OXCT1: variants seen among roughly 807,000 people sequenced by gnomAD.
The protein encoded by OXCT1 is succinyl-CoA:3-ketoacid coenzyme A transferase 1, mitochondrial.
OXCT1 carries 27 observed loss-of-function variants against 69.6 expected under a neutral mutation model. The ratio of observed to expected loss-of-function variants is 0.39; its 90% confidence interval spans 0.29 to 0.54. The LOEUF is 0.54. Among genes scored for constraint, OXCT1 ranks in the 20% least tolerant of loss-of-function variants. The probability of loss-of-function intolerance (pLI) is 0.72; values close to 1 mark genes in which losing one functional copy is unlikely to be tolerated. For missense variants in OXCT1, 437 were observed against 650.2 expected (o/e 0.67, Z 3.57); for synonymous variants, 202 against 217.8 (o/e 0.93, Z 0.64).
intron 8 of OXCT1, among the ~76,000 whole-genome samples, chr5:41,806,076 G>A (rs1372855445): frequency 6.6e-6 from 1 of 152,074 alleles, no homozygotes; most frequent in African/African-American, 2.4e-5. Context: ...TGTTTACCAG[G>A]TGTTGCTGCT....
At chr5:41,754,278 CA>C (rs1188881050) in intron 14 of OXCT1, among the ~76,000 whole-genome samples, 1 of 152,034 alleles carries the variant, frequency 6.6e-6, no homozygotes, top group East Asian at 1.9e-4. Context: ...GCCTGATTAT[CA>C]ACACCCTTGC....
intron 14 of OXCT1, among the ~76,000 whole-genome samples, chr5:41,753,253 G>T (rs903449203): frequency 1.3e-5 from 2 of 151,364 alleles, no homozygotes; most frequent in Non-Finnish European, 2.9e-5. Flanking sequence ...TTAAGTGCTT[G>T]TTAAATGTGG....
intron 7 of OXCT1, among the ~76,000 whole-genome samples, chr5:41,827,831 G>C (rs1055812597): frequency 6.6e-6 from 1 of 151,992 alleles, no homozygotes; most frequent in African/African-American, 2.4e-5. Context: ...ACTGGTGGGG[G>C]AAAAAAAGAG....
chr5:41,764,098 T>G (rs1744481249), intron 13 of OXCT1, among the ~76,000 whole-genome samples: 1 of 152,166 alleles, frequency 6.6e-6, no homozygotes, highest in South Asian at 2.1e-4. Context: ...GAGATTCAGC[T>G]GGCTTGATGT....
intron 15 of OXCT1, among the ~76,000 whole-genome samples, chr5:41,742,168 C>CT (rs199775345): frequency 0.01 from 1,535 of 151,996 alleles, 10 homozygotes; most frequent in Non-Finnish European, 0.016. Context: ...TTAAAAAAAC[C>CT]TTATTAACAC....
chr5:41,761,189 T>G (rs1744328923), intron 14 of OXCT1, among the ~76,000 whole-genome samples: 1 of 152,072 alleles, frequency 6.6e-6, no homozygotes, highest in Non-Finnish European at 1.5e-5. Context: ...GCTCAGTTCG[T>G]CCAAAGACAC....
At chr5:41,822,292 C>G (rs941093978) in intron 7 of OXCT1, among the ~76,000 whole-genome samples, 2 of 151,978 alleles carry the variant, frequency 1.3e-5, no homozygotes, top group Non-Finnish European at 2.9e-5. Context: ...GAGGCTAGTT[C>G]TGCGGTAGTG....
intron 3 of OXCT1, among the ~76,000 whole-genome samples, chr5:41,859,734 A>G (rs1749627699): frequency 1.3e-5 from 2 of 151,830 alleles, no homozygotes; most frequent in African/African-American, 4.8e-5. Flanking sequence ...CTCAACAAAG[A>G]ACAAGGGCAC....
chr5:41,848,205 T>C (rs1183065880), intron 5 of OXCT1, among the ~76,000 whole-genome samples: 4 of 152,036 alleles, frequency 2.6e-5, no homozygotes, highest in Admixed American at 6.6e-5. Flanking sequence ...ATAAAATACC[T>C]AGGAATCCAA....
chr5:41,772,223 G>A lies in OXCT1; in HGVS notation c.1249-10023C>T, dbSNP rs114590707. 5.5e-3 allele frequency among the ~76,000 whole-genome samples: 835 copies of A among 152,156 alleles called. 5 individuals are homozygous for A. The highest frequency in any genetic ancestry group is 9.2e-3 in the Non-Finnish European group (623 of 68,000). On this transcript the variant is annotated intron_variant, in intron 13 of 16. Coordinates refer to ENST00000196371, the MANE Select transcript of OXCT1 (RefSeq NM_000436.4). Reference sequence around the variant, plus strand: ...ATGTGGGTTGGTTGGGGAGAAGGGGGAGGGAATGAGAACTAGAACCATGGG... The same window carrying A: ...ATGTGGGTTGGTTGGGGAGAAGGGGAAGGGAATGAGAACTAGAACCATGGG...
At position 41,761,757 on chromosome 5, in the gene OXCT1, C is replaced by A. The variant is rs150531007; in HGVS notation, c.1338+354G>T. Among the ~76,000 whole-genome samples, 319 of 152,200 alleles carry A rather than the reference C, an allele frequency of 2.1e-3. 2 individuals are homozygous for A. Among genetic ancestry groups the A allele is most frequent in the Admixed American group, 8.5e-3 (129 of 15,264 alleles). On this transcript the variant is annotated intron_variant, in intron 14 of 16. Coordinates refer to ENST00000196371, the MANE Select transcript of OXCT1 (RefSeq NM_000436.4). ...TCATTTCACGCACAGATAGCAACCA[C>A]TATAATCATCTTAAAACCTGAATCA...
chr5:41,862,507 ATAT>A (rs1749783368), intron 2 of OXCT1, 132 bp downstream of exon 2: 5 of 610,854 alleles, frequency 8.2e-6, no homozygotes, highest in Admixed American at 2.7e-5. Context: ...AAAATAGATG[ATAT>A]TATAATATGT....
chr5:41,863,706 T>C (rs1351219947), intron 1 of OXCT1, among the ~76,000 whole-genome samples: 1 of 152,212 alleles, frequency 6.6e-6, no homozygotes, highest in East Asian at 1.9e-4. Context: ...TTCAAATTCA[T>C]AGCAATGGTG....
Position 41,803,172 on chromosome 5 carries a change from A to C in OXCT1, c.956-9T>G. On this transcript the variant is annotated splice_polypyrimidine_tract_variant and intron_variant, in intron 9 of 16. Coordinates refer to ENST00000196371, the MANE Select transcript of OXCT1 (RefSeq NM_000436.4). Reference sequence around the variant, plus strand: ...TCCTATGCCCAAATTAGCTGGAAAAAAAAGATGTTAAGGTCCAGCATATAA... The same window carrying C: ...TCCTATGCCCAAATTAGCTGGAAAACAAAGATGTTAAGGTCCAGCATATAA... The C allele has an allele frequency of 1.3e-6, 2 of 1,572,460 alleles. No individual in the cohort carries two copies. Among genetic ancestry groups the C allele is most frequent in the Admixed American group, 3.3e-5 (2 of 59,814 alleles).
intron 13 of OXCT1, among the ~76,000 whole-genome samples, chr5:41,787,475 T>C (rs1184144841): frequency 6.6e-6 from 1 of 151,768 alleles, no homozygotes; most frequent in African/African-American, 2.4e-5. Context: ...GCAACTACAA[T>C]TTGAGATCTG....
At chr5:41,832,849 G>A (rs1748164842) in intron 7 of OXCT1, among the ~76,000 whole-genome samples, 1 of 152,066 alleles carries the variant, frequency 6.6e-6, no homozygotes, top group Admixed American at 6.6e-5. Flanking sequence ...TTCTACATTT[G>A]AAAAATGCAA....
chr5:41,772,372 A>AG (rs1354239482), intron 13 of OXCT1, among the ~76,000 whole-genome samples: 11 of 152,052 alleles, frequency 7.2e-5, no homozygotes, highest in Admixed American at 7.2e-4. Flanking sequence ...CAAAAAAAAA[A>AG]AGAGAGAGAG....
At position 41,749,596 on chromosome 5, in the gene OXCT1, A is replaced by T; in HGVS notation, c.1350T>A (p.His450Gln). The change falls in exon 15 of 17, where the codon CAT becomes CAA. Residue 450 changes from histidine (H) to glutamine (Q), a missense_variant. By Grantham distance (24) the His-to-Gln change is conservative. Around this residue, in one of 4 missense-constraint regions of OXCT1, gnomAD observed 102 missense variants for 162.1 expected, o/e 0.63. Coordinates refer to ENST00000196371, the MANE Select transcript of OXCT1 (RefSeq NM_000436.4). ...GTAATGTACATTTCTCCATGATTTTATGTGCATTTCCCTGTTTTAAAAAGA... is the reference window on the plus strand; with the variant it reads ...GTAATGTACATTTCTCCATGATTTTTTGTGCATTTCCCTGTTTTAAAAAGA... ...TMEHSAKGNA[H>Q]KIMEKCTLPL... 2 of 1,603,984 alleles carry T rather than the reference A, an allele frequency of 1.2e-6. No homozygotes were observed. Among genetic ancestry groups the T allele is most frequent in the Non-Finnish European group, 1.7e-6 (2 of 1,171,812 alleles).
rs541038683 is a variant in OXCT1, at chr5:41,732,685, A to G, written c.1522-915T>C. Among the ~76,000 whole-genome samples the G allele has an allele frequency of 3.3e-5, 5 of 152,358 alleles. No individual in the cohort carries two copies. In the East Asian group the frequency reaches 9.6e-4, roughly 29 times the overall value. On this transcript the variant is annotated intron_variant, in intron 16 of 16. Coordinates refer to ENST00000196371, the MANE Select transcript of OXCT1 (RefSeq NM_000436.4). Reference sequence around the variant, plus strand: ...CCCAATTAGCATTTTACCTTCCAGAATAAACAATATTTTCTTAAATTGATA... The same window carrying G: ...CCCAATTAGCATTTTACCTTCCAGAGTAAACAATATTTTCTTAAATTGATA...
Sources: gnomAD v4.1 joint callset for allele counts (sites outside exome capture counted in the v4.1 genomes callset) on GRCh38, gnomAD v4.1.1 for gene constraint, gnomAD v4.1.1 regional missense constraint, MANE v1.5 for transcripts, NCBI Gene and HGNC (gene_info 2026-07-23, HGNC 2026-07-21) for gene names.